The following APOB variants were observed in gnomAD, a reference collection of about 807,000 sequenced individuals.
APOB encodes apolipoprotein B.
Under a neutral mutation model 314.1 loss-of-function variants are expected in APOB, and 153 were observed. The ratio of observed to expected loss-of-function variants is 0.49; its 90% CI spans 0.43 to 0.56. The LOEUF is 0.56. APOB is among the 20% of genes least tolerant of loss of function. APOB has a pLI of 0.00. For missense variants in APOB, 5,430 were observed against 5,350.7 expected, an observed-to-expected ratio of 1.01 and a Z score of -0.46; for synonymous variants, 2,087 against 2,036.4, an observed-to-expected ratio of 1.02 and a Z score of -0.67.
intron 15 of APOB, among the ~76,000 whole-genome samples, chr2:21,026,322 A>C (rs1002166703): frequency 5.3e-5 from 8 of 151,384 alleles, no homozygotes; most frequent in Non-Finnish European, 1.0e-4. Flanking sequence ...ATCTCGGCTC[A>C]CTGCAACCTC....
intron 24 of APOB, among the ~76,000 whole-genome samples, chr2:21,013,893 G>A (rs1663402494): frequency 6.6e-6 from 1 of 152,140 alleles, no homozygotes; most frequent in African/African-American, 2.4e-5. Context: ...GTATCTTCTT[G>A]AAAGAAAAGG....
At position 21,006,947 on chromosome 2, in the gene APOB, A is replaced by AAGGACTG; in HGVS notation, c.9914_9920dup (p.His3308SerfsTer6). ...AAAGCTTGAGATTTCTAGGGACATG[A>AAGGACTG]AGGACTGGCAGCTCTAATGATGGCA... On this transcript the variant is annotated frameshift_variant, in exon 26 of 29. Coordinates refer to ENST00000233242, the MANE Select transcript of APOB (RefSeq NM_000384.3). LOFTEE classifies it high-confidence loss of function. The AAGGACTG allele has an allele frequency of 6.2e-7, 1 of 1,614,084 alleles. No homozygotes were observed. Among genetic ancestry groups the AAGGACTG allele is most frequent in the Non-Finnish European group, 8.5e-7 (1 of 1,179,962 alleles).
At chr2:21,027,305 A>ACTTTTTTTT (rs1558571851) in intron 14 of APOB, among the ~76,000 whole-genome samples, 1 of 109,222 alleles carries the variant, frequency 9.2e-6, no homozygotes, top group African/African-American at 3.1e-5. Flanking sequence ...TTTGCATTTC[A>ACTTTTTTTT]ATTTTTTTTT....
chr2:21,012,558 A>T lies in APOB; in HGVS notation c.4310T>A (p.Phe1437Tyr). The change falls in exon 26 of 29, where the codon TTC becomes TAC. Residue 1437 changes from phenylalanine to tyrosine, a missense_variant. By Grantham distance (22) the Phe-to-Tyr change is conservative. Around this residue, in one of 3 missense-constraint regions of APOB, gnomAD observed 2,085 missense variants for 2,079.7 expected, o/e 1.00. Transcript: ENST00000233242. ...GTTTCCAAGTTTTTCTACATGACTG[A>T]ATTTGATATTCGAATCTAGAAATTT... Reference protein sequence around the residue: ...RHKFLDSNIKFSHVEKLGNNP... With the variant: ...RHKFLDSNIKYSHVEKLGNNP... 6.2e-7 allele frequency: 1 copy of T among 1,614,122 alleles called. No individual in the cohort carries two copies. The highest frequency in any genetic ancestry group is 8.5e-7 in the Non-Finnish European group (1 of 1,179,980).
At chr2:21,018,124 C>T (rs12720782) in intron 20 of APOB, among the ~76,000 whole-genome samples, 2,135 of 152,258 alleles carry the variant, frequency 0.014, 44 homozygotes, top group African/African-American at 0.049. Flanking sequence ...TCAACATCCA[C>T]TGTATCAGCA....
Position 21,025,033 on chromosome 2 carries a change from A to T in APOB, c.2336T>A (p.Ile779Asn). The T allele has an allele frequency of 6.2e-7, 1 of 1,614,264 alleles. No individual in the cohort carries two copies. The highest frequency in any genetic ancestry group is 2.2e-5 in the East Asian group (1 of 44,882). The change falls in exon 16 of 29, where the codon ATC becomes AAC. Residue 779 changes from isoleucine (I) to asparagine (N), a missense_variant. This residue lies in a region of APOB where 2,085 missense variants were observed against 2,079.7 expected (regional missense o/e 1.00). Coordinates refer to ENST00000233242, the MANE Select transcript of APOB (RefSeq NM_000384.3). Reference sequence around the variant, plus strand: ...GGCAAAACCAAGCTCCTCTCCCAAGATGCGGAGGTAGGCTCTGGCTTCCGG... The same window carrying T: ...GGCAAAACCAAGCTCCTCTCCCAAGTTGCGGAGGTAGGCTCTGGCTTCCGG... Reference protein sequence around the residue: ...EVPEARAYLRILGEELGFASL... With the variant: ...EVPEARAYLRNLGEELGFASL...
chr2:21,042,444 A>G lies in APOB; in HGVS notation c.154T>C (p.Tyr52His), dbSNP rs757747864. The G allele has an allele frequency of 1.5e-5, 24 of 1,614,008 alleles. No individual in the cohort carries two copies. The highest frequency in any genetic ancestry group is 1.9e-5 in the Non-Finnish European group (23 of 1,180,024). The change falls in exon 3 of 29, where the codon TAC becomes CAC. Residue 52 changes from tyrosine to histidine, a missense_variant. By Grantham distance (83) the Tyr-to-His change is moderately conservative. Transcript: ENST00000233242. ...CTCTCAGCCTCATAGTTGTATGTGT[A>G]CTTCCGGAGGTGCTTGAATCGGGTC... The part of the protein sequence containing the change: ...DATRFKHLRK[Y>H]TYNYEAESSS...
At position 21,010,186 on chromosome 2, in the gene APOB, C is replaced by A; in HGVS notation, c.6682G>T (p.Asp2228Tyr). ...ATATTTTCAATAAACAAATGTAGAT[C>A]ATGGATTGTTTTTACTAAATTTACA... ...IRVNLVKTIH[D>Y]LHLFIENIDF... Residue 2228 changes from aspartate to tyrosine, a missense_variant, in exon 26 of 29, where the codon GAT becomes TAT. Asp to Tyr is a radical substitution (Grantham distance 160). Around this residue, in one of 3 missense-constraint regions of APOB, gnomAD observed 3,281 missense variants for 3,171.0 expected, o/e 1.03. Transcript: ENST00000233242. The A allele has an allele frequency of 6.3e-7, 1 of 1,596,772 alleles. No homozygotes were observed. Among genetic ancestry groups the A allele is most frequent in the South Asian group, 1.1e-5 (1 of 89,926 alleles).
intron 28 of APOB, among the ~76,000 whole-genome samples, chr2:21,003,634 G>T (rs189657060): frequency 6.6e-6 from 1 of 152,122 alleles, no homozygotes; most frequent in South Asian, 2.1e-4. Context: ...GAAGAGGAGT[G>T]GGGGGAAGAG....
In APOB at chr2:21,008,088, CCT is replaced by C. The variant is rs749516102; in HGVS notation, c.8778_8779del (p.Gly2927ValfsTer12). ...TCTGGGGCAGGCCCATTTCCATGAC[CCT>C]TTTCCAGAAGAAGTCCATGCTATGT... On this transcript the variant is annotated frameshift_variant, in exon 26 of 29. Transcript: ENST00000233242. LOFTEE classifies it high-confidence loss of function. 6.2e-7 allele frequency: 1 copy of C among 1,614,032 alleles called. No homozygotes were observed. Among genetic ancestry groups the C allele is most frequent in the Non-Finnish European group, 8.5e-7 (1 of 1,179,964 alleles).
At chr2:21,016,795 T>C (rs12720816) in intron 20 of APOB, 146 bp from the exon 21 acceptor site, 194,701 of 675,518 alleles carry the variant, frequency 0.29, 33,129 homozygotes, top group Non-Finnish European at 0.37. Flanking sequence ...CCATTCTGGC[T>C]AACATGGTGA....
In APOB at chr2:21,005,402, C is replaced by T. The variant is rs755842633; in HGVS notation, c.11466G>A (p.Val3822=). 46 of 1,613,902 alleles carry T rather than the reference C, an allele frequency of 2.9e-5. No individual in the cohort carries two copies. The Admixed American group carries it at 4.3e-4, about 15-fold the overall frequency. The change falls in exon 26 of 29, where the codon GTG becomes GTA. Residue 3822 remains valine (V), a synonymous_variant. Transcript: ENST00000233242. ...EITVPESQLT[V]SQFTLPKSVS... ...CACTTTTTGGAAGCGTGAACTGGGACACAGTTAACTGAGATTCAGGCACGG... is the reference window on the plus strand; with the variant it reads ...CACTTTTTGGAAGCGTGAACTGGGATACAGTTAACTGAGATTCAGGCACGG...
At chr2:21,034,494 A>G (rs951410845) in intron 8 of APOB, among the ~76,000 whole-genome samples, 2 of 152,180 alleles carry the variant, frequency 1.3e-5, no homozygotes, top group African/African-American at 4.8e-5. Flanking sequence ...GTTCTCTCCC[A>G]CTTGGTCCAC....
chr2:21,031,498 C>T (rs1663878316), intron 10 of APOB, among the ~76,000 whole-genome samples: 1 of 152,116 alleles, frequency 6.6e-6, no homozygotes, highest in Non-Finnish European at 1.5e-5. Flanking sequence ...TTAGTGGGTA[C>T]ACTATATGTT....
At chr2:21,013,662 T>C (rs559591268) in intron 24 of APOB, 129 bp from the exon 25 acceptor site, 5 of 1,308,590 alleles carry the variant, frequency 3.8e-6, no homozygotes, top group African/African-American at 2.9e-5. Context: ...TTCTTTGTGC[T>C]ACTCCTATGC....
intron 20 of APOB, among the ~76,000 whole-genome samples, chr2:21,017,770 T>A (rs1217089450): frequency 6.6e-6 from 1 of 152,234 alleles, no homozygotes; most frequent in Non-Finnish European, 1.5e-5. Context: ...TGGTCCATTT[T>A]ATATCCTTCG....
chr2:21,017,012 A>C (rs76622701), intron 20 of APOB, among the ~76,000 whole-genome samples: 2 of 147,620 alleles, frequency 1.4e-5, no homozygotes, highest in African/African-American at 5.2e-5. Flanking sequence ...TAAATAAATA[A>C]ATAAACAAAC....
intron 5 of APOB, 85 bp downstream of exon 5, chr2:21,037,873 A>G (rs1331447482): frequency 5.2e-6 from 8 of 1,531,148 alleles, no homozygotes; most frequent in East Asian, 4.5e-5. Context: ...TGACTCAGTG[A>G]TCTGCTTTGT....
chr2:21,025,524 A>C (rs544850026), intron 15 of APOB, among the ~76,000 whole-genome samples: 1 of 152,180 alleles, frequency 6.6e-6, no homozygotes, highest in Non-Finnish European at 1.5e-5. Flanking sequence ...TGTTATATAA[A>C]TTCACCAGAA....
Sources: allele counts gnomAD v4.1 joint callset (sites outside exome capture counted in the v4.1 genomes callset), GRCh38; gene constraint gnomAD v4.1.1; regional missense constraint gnomAD v4.1.1; transcripts MANE v1.5; gene names NCBI Gene and HGNC (gene_info 2026-07-23, HGNC 2026-07-21).